Variants in PLD5 observed in about 807,000 individuals in gnomAD.
PLD5 encodes inactive phospholipase D5.
Under a neutral mutation model 61.1 loss-of-function variants are expected in PLD5, and 36 were observed. The ratio of observed to expected loss-of-function variants is 0.59; its 90% CI spans 0.45 to 0.78. The LOEUF is 0.78. Ranked by LOEUF, PLD5 falls within the 30% of genes least tolerant of loss-of-function variation. The pLI is 0.00. For synonymous variants in PLD5, 243 were observed against 242.8 expected (o/e 1.00, Z -0.01); for missense variants, 515 against 644.4 (o/e 0.80, Z 2.17).
intron 5 of PLD5, among the ~76,000 whole-genome samples, chr1:242,192,630 A>G (rs1405338207): frequency 6.6e-6 from 1 of 152,226 alleles, no homozygotes; most frequent in Non-Finnish European, 1.5e-5. Flanking sequence ...GAAACTAGAC[A>G]AATGAGAAAG....
At chr1:242,468,608 A>G (rs1053128801) in intron 1 of PLD5, among the ~76,000 whole-genome samples, 7 of 152,082 alleles carry the variant, frequency 4.6e-5, no homozygotes, top group Non-Finnish European at 1.0e-4. Context: ...GTTCTGAAAC[A>G]TTCTACTCTT....
At chr1:242,165,451 G>GA (rs1558294772) in intron 5 of PLD5, among the ~76,000 whole-genome samples, 776 of 70,908 alleles carry the variant, frequency 0.011, 22 homozygotes, top group African/African-American at 0.029. Flanking sequence ...GGCTTTAAAG[G>GA]GAAAAAAAAA....
intron 9 of PLD5, among the ~76,000 whole-genome samples, chr1:242,091,293 G>A (rs957925142): frequency 2.0e-5 from 3 of 152,200 alleles, no homozygotes; most frequent in African/African-American, 7.2e-5. Context: ...ATGCAAAGGA[G>A]TAAGCCTGGG....
At chr1:242,406,507 C>T (rs924925173) in intron 1 of PLD5, among the ~76,000 whole-genome samples, 3 of 152,300 alleles carry the variant, frequency 2.0e-5, no homozygotes, top group Middle Eastern at 3.4e-3. Context: ...AAGGTTGATC[C>T]GTCACTAGGC....
chr1:242,448,959 G>A (rs568123883), intron 1 of PLD5, among the ~76,000 whole-genome samples: 11 of 152,236 alleles, frequency 7.2e-5, no homozygotes, highest in East Asian at 5.8e-4. Flanking sequence ...GATTTTTACC[G>A]CCACACAAAC....
intron 1 of PLD5, among the ~76,000 whole-genome samples, chr1:242,348,824 G>T (rs1286496506): frequency 6.6e-6 from 1 of 152,144 alleles, no homozygotes; most frequent in Non-Finnish European, 1.5e-5. Flanking sequence ...GGAGGCCAAG[G>T]CGGGCAGATC....
At position 242,524,459 on chromosome 1, in the gene PLD5, C is replaced by T. The variant is rs1669383031; in HGVS notation, c.-183G>A. The T allele has an allele frequency of 5.4e-6, 2 of 369,580 alleles. No individual in the cohort carries two copies. The allele number at this position is 369,580 out of a possible 1,614,324, so 22.9% of individuals were successfully genotyped here. ...GGGTGCTGAGCGCCAGCTGGGAGCG[C>T]GGCCGGGCGGGAGGGGGCGATCGCG... On this transcript the variant is annotated 5_prime_UTR_variant, in exon 1 of 10. Coordinates refer to ENST00000536534, the MANE Select transcript of PLD5 (RefSeq NM_001372062.1).
At chr1:242,189,135 A>C (rs1223985051) in intron 5 of PLD5, among the ~76,000 whole-genome samples, 2 of 152,186 alleles carry the variant, frequency 1.3e-5, no homozygotes, top group Non-Finnish European at 2.9e-5. Flanking sequence ...CAAAGGACAG[A>C]GCATGTGGCT....
chr1:242,474,609 C>G (rs1667532928), intron 1 of PLD5, among the ~76,000 whole-genome samples: 1 of 152,232 alleles, frequency 6.6e-6, no homozygotes, highest in Non-Finnish European at 1.5e-5. Flanking sequence ...AAATACAGAA[C>G]TGATTAGGTT....
chr1:242,410,454 CCTTCATA>C (rs1440538594), intron 1 of PLD5, among the ~76,000 whole-genome samples: 1 of 152,036 alleles, frequency 6.6e-6, no homozygotes, highest in Non-Finnish European at 1.5e-5. Flanking sequence ...TGAACTTACT[CCTTCATA>C]TTTAAAAGGA....
At chr1:242,506,752 G>A (rs1370366668) in intron 1 of PLD5, among the ~76,000 whole-genome samples, 1 of 152,136 alleles carries the variant, frequency 6.6e-6, no homozygotes, top group Non-Finnish European at 1.5e-5. Context: ...AAACCAAGAG[G>A]TCAGTGTGGA....
At chr1:242,505,086 C>T (rs1234408244) in intron 1 of PLD5, among the ~76,000 whole-genome samples, 4 of 152,128 alleles carry the variant, frequency 2.6e-5, no homozygotes, top group Non-Finnish European at 4.4e-5. Context: ...GAGCCCAGGA[C>T]GTGGAGGCTG....
At chr1:242,293,210 G>A (rs1362044711) in intron 2 of PLD5, among the ~76,000 whole-genome samples, 5 of 152,200 alleles carry the variant, frequency 3.3e-5, no homozygotes, top group African/African-American at 1.2e-4. Context: ...TAGAGAAAGT[G>A]AAGCAAGAGA....
At chr1:242,112,277 G>A (rs1465053764) in intron 7 of PLD5, among the ~76,000 whole-genome samples, 2 of 147,816 alleles carry the variant, frequency 1.4e-5, no homozygotes, top group Non-Finnish European at 3.0e-5. Flanking sequence ...ATGTCCAAAG[G>A]ATGCACTGTG....
Position 242,253,305 on chromosome 1 carries a change from CTTTTTT to C in PLD5, c.607+12026_607+12031del, listed in dbSNP as rs1181235404. On this transcript the variant is annotated intron_variant, in intron 4 of 9. Transcript: ENST00000536534. ...AATCACCACACCCAGCCTCTCTTCA[CTTTTTT>C]TTTTTTTTTTTTTTTTTTTAAGACG... 8.7e-3 allele frequency among the ~76,000 whole-genome samples: 616 copies of C among 70,698 alleles called. 12 individuals are homozygous for C. The highest frequency in any genetic ancestry group is 0.03 in the African/African-American group (570 of 18,744). 46.4% of individuals were successfully genotyped at this position (70,698 alleles called of 152,430 possible).
At chr1:242,466,224 T>G (rs1255146444) in intron 1 of PLD5, among the ~76,000 whole-genome samples, 2 of 152,184 alleles carry the variant, frequency 1.3e-5, no homozygotes, top group African/African-American at 4.8e-5. Flanking sequence ...GGCTGTAAGC[T>G]TCATGAAGGG....
rs137997860 is a variant in PLD5, at chr1:242,220,091, A to G, written c.632T>C (p.Met211Thr). Reference protein sequence around the residue: ...LKGAEVTYMNMTAYNKGRLQS... With the variant: ...LKGAEVTYMNTTAYNKGRLQS... ...CAGCCGGCCCTTGTTGTAAGCGGTC[A>G]TGTTCATGTACGTCACCTCGGCTCC... The change falls in exon 5 of 10, where the codon ATG becomes ACG. Residue 211 changes from methionine (M) to threonine (T), a missense_variant. By Grantham distance (81) the Met-to-Thr change is moderately conservative (BLOSUM62 -1). This residue lies in a region of PLD5 where 450 missense variants were observed against 598.1 expected (regional missense o/e 0.75). Coordinates refer to ENST00000536534, the MANE Select transcript of PLD5 (RefSeq NM_001372062.1). 1.2e-5 allele frequency: 19 copies of G among 1,614,170 alleles called. No individual in the cohort carries two copies. The highest frequency in any genetic ancestry group is 1.6e-5 in the Non-Finnish European group (19 of 1,180,024).
Position 242,346,020 on chromosome 1 carries a change from C to T in PLD5, c.326+2086G>A, listed in dbSNP as rs184326703. 5.7e-4 allele frequency among the ~76,000 whole-genome samples: 55 copies of T among 96,520 alleles called. 1 individual carries two copies. In the South Asian group the frequency reaches 0.021, roughly 36 times the overall value. The allele number at this position is 96,520 out of a possible 152,430, so 63.3% of individuals were successfully genotyped here. On this transcript the variant is annotated intron_variant, in intron 2 of 9. Coordinates refer to ENST00000536534, the MANE Select transcript of PLD5 (RefSeq NM_001372062.1). The stretch of plus-strand genomic sequence containing the variant: ...TATGTTTCAGAAAAGATCTCCCCCC[C>T]CCCCATATATACAACCATATATCAT...
intron 1 of PLD5, among the ~76,000 whole-genome samples, chr1:242,359,095 C>T (rs187619360): frequency 2.6e-5 from 4 of 152,238 alleles, no homozygotes; most frequent in Admixed American, 6.5e-5. Flanking sequence ...TCTCTGATCA[C>T]GGTACTGCTG....
Sources: gnomAD v4.1 joint callset for allele counts (sites outside exome capture counted in the v4.1 genomes callset) on GRCh38, gnomAD v4.1.1 for gene constraint, gnomAD v4.1.1 regional missense constraint, MANE v1.5 for transcripts, NCBI Gene and HGNC (gene_info 2026-07-23, HGNC 2026-07-21) for gene names.